The following KAZN variants were observed in gnomAD, a reference collection of about 807,000 sequenced individuals.
The protein encoded by KAZN is kazrin.
KAZN carries 40 observed loss-of-function variants against 87.4 expected under a neutral mutation model. The observed-to-expected ratio is 0.46, with a 90% CI of 0.36 to 0.60. KAZN has a LOEUF of 0.60. Ranked by LOEUF, KAZN falls within the 20% of genes least tolerant of loss-of-function variation. KAZN has a pLI of 0.00. For synonymous variants in KAZN, 466 were observed against 458.3 expected (o/e 1.02, Z -0.22); for missense variants, 898 against 1,073.9 (o/e 0.84, Z 2.29).
intron 2 of KAZN, among the ~76,000 whole-genome samples, chr1:14,320,173 T>C (rs1255581617): frequency 1.3e-5 from 2 of 152,092 alleles, no homozygotes; most frequent in African/African-American, 4.8e-5. Context: ...CACCCATGTG[T>C]CTTAAACATC....
At chr1:14,760,291 G>T (rs1427490366) in intron 1 of KAZN, among the ~76,000 whole-genome samples, 1 of 152,150 alleles carries the variant, frequency 6.6e-6, no homozygotes, top group Non-Finnish European at 1.5e-5. Flanking sequence ...TAGTAGACTG[G>T]TGCTCCTTGC....
intron 1 of KAZN, among the ~76,000 whole-genome samples, chr1:13,986,333 G>A (rs537737596): frequency 6.6e-6 from 1 of 152,082 alleles, no homozygotes; most frequent in Non-Finnish European, 1.5e-5. Flanking sequence ...ATGAGATTGG[G>A]GTAATTAAAA....
At chr1:14,583,283 T>G (rs989282732) in intron 2 of KAZN, among the ~76,000 whole-genome samples, 2 of 152,180 alleles carry the variant, frequency 1.3e-5, no homozygotes, top group Non-Finnish European at 2.9e-5. Flanking sequence ...AGGTGTATGC[T>G]TAGCAGAGGG....
rs770636458 is a variant in KAZN at position 14,599,124 on chromosome 1, G to T, written c.127G>T (p.Gly43Cys). The change falls in exon 1 of 15, where the codon GGC becomes TGC. Residue 43 changes from glycine (G) to cysteine (C), a missense_variant. Coordinates refer to ENST00000376030, the MANE Select transcript of KAZN (RefSeq NM_201628.3). This position sits in a 1 kb window ranked among gnomAD's most constrained non-coding sequence, Gnocchi z 4.4. Reference sequence around the variant, plus strand: ...CCGGAGACTGGCGGAACTGAGCGGCGGCGGCGGCCCCGGCCCGGGCCCGGG... The same window carrying T: ...CCGGAGACTGGCGGAACTGAGCGGCTGCGGCGGCCCCGGCCCGGGCCCGGG... ...TNRRLAELSG[G>C]GGPGPGPGAA... The T allele has an allele frequency of 2.0e-6, 3 of 1,526,592 alleles. No homozygotes were observed. Among genetic ancestry groups the T allele is most frequent in the African/African-American group, 2.9e-5 (2 of 69,704 alleles). 94.6% of individuals were successfully genotyped at this position (1,526,592 alleles called of 1,614,324 possible). A position where few individuals can be genotyped will look rare whatever the true frequency, so the allele number is the denominator to read the frequency against.
chr1:14,152,272 A>G (rs975968742), intron 1 of KAZN, among the ~76,000 whole-genome samples: 3 of 152,122 alleles, frequency 2.0e-5, no homozygotes, highest in Admixed American at 6.6e-5. Flanking sequence ...GGTCTTATTC[A>G]TTCTTTCAAG....
intron 2 of KAZN, among the ~76,000 whole-genome samples, chr1:15,016,629 T>C (rs954494422): frequency 1.3e-5 from 2 of 152,134 alleles, no homozygotes; most frequent in African/African-American, 4.8e-5. Flanking sequence ...TGGCAATGTG[T>C]TACGGAAGCC....
chr1:14,034,296 T>C (rs559736314), intron 1 of KAZN, among the ~76,000 whole-genome samples: 7 of 152,282 alleles, frequency 4.6e-5, no homozygotes, highest in Admixed American at 3.9e-4. Context: ...TGTTTTTTTT[T>C]TCTGTGCCTT....
intron 1 of KAZN, among the ~76,000 whole-genome samples, chr1:14,710,439 G>T (rs887987100): frequency 1.3e-5 from 2 of 152,106 alleles, no homozygotes; most frequent in Admixed American, 6.5e-5. Context: ...GGCACGTGGG[G>T]CCCTAAAGGC....
chr1:14,856,779 T>C lies in KAZN; in HGVS notation c.227-103905T>C, dbSNP rs930545879. Among the ~76,000 whole-genome samples, 1 of 152,188 alleles carries C rather than the reference T, an allele frequency of 6.6e-6. No individual in the cohort carries two copies. The highest frequency in any genetic ancestry group is 1.5e-5 in the Non-Finnish European group (1 of 68,034). On this transcript the variant is annotated intron_variant, in intron 1 of 14. Coordinates refer to ENST00000376030, the MANE Select transcript of KAZN (RefSeq NM_201628.3). The surrounding 1 kb of genome is among the most constrained non-coding windows in gnomAD (Gnocchi z 5.2). The stretch of plus-strand genomic sequence containing the variant: ...TTCTTCCAGGATAAAGATGAGCATA[T>C]GTTTGTTGCCGGGCTGTTGCAGAGA...
chr1:14,010,812 C>T (rs1640261900), intron 1 of KAZN, among the ~76,000 whole-genome samples: 1 of 152,156 alleles, frequency 6.6e-6, no homozygotes, highest in Admixed American at 6.5e-5. Context: ...TGGGGGAAAA[C>T]CCTGTTCCTC....
At chr1:14,793,637 C>A (rs2011956) in intron 1 of KAZN, among the ~76,000 whole-genome samples, 38,979 of 152,116 alleles carry the variant, frequency 0.26, 5,565 homozygotes, top group African/African-American at 0.39. Flanking sequence ...GTATGTGCTC[C>A]ATAAATGTTT....
At chr1:14,654,428 GTCC>G (rs1638658237) in intron 1 of KAZN, among the ~76,000 whole-genome samples, 1 of 152,140 alleles carries the variant, frequency 6.6e-6, no homozygotes, top group African/African-American at 2.4e-5. Flanking sequence ...CCAGAAAGAG[GTCC>G]CTAAATCCCC....
intron 2 of KAZN, among the ~76,000 whole-genome samples, chr1:14,479,762 G>A (rs946926974): frequency 5.3e-5 from 8 of 152,108 alleles, no homozygotes; most frequent in South Asian, 2.1e-4. Flanking sequence ...TTTTCCAAAC[G>A]CCCAGGGAGG....
chr1:14,455,966 C>T (rs1667545192), intron 2 of KAZN, among the ~76,000 whole-genome samples: 1 of 152,208 alleles, frequency 6.6e-6, no homozygotes, highest in Admixed American at 6.5e-5. Context: ...AAGTCAGATG[C>T]TATCTCAACA....
At chr1:14,583,825 CATT>C (rs1675693908) in intron 2 of KAZN, among the ~76,000 whole-genome samples, 1 of 152,136 alleles carries the variant, frequency 6.6e-6, no homozygotes, top group South Asian at 2.1e-4. Flanking sequence ...ACAAGCTAGA[CATT>C]TGTATTCCCC....
intron 2 of KAZN, among the ~76,000 whole-genome samples, chr1:14,257,567 A>G (rs1327769047): frequency 7.1e-6 from 1 of 141,666 alleles, no homozygotes; most frequent in African/African-American, 2.7e-5. Flanking sequence ...CTGAATGGTA[A>G]TGCCTAGGTT....
At position 14,189,851 on chromosome 1, in the gene KAZN, T is replaced by A. The variant is rs1435444016; in HGVS notation, c.249+9259T>A. Among the ~76,000 whole-genome samples, 7 of 152,302 alleles carry A rather than the reference T, an allele frequency of 4.6e-5. 1 individual carries two copies. The South Asian group carries it at 8.3e-4, about 18-fold the overall frequency. Reference sequence around the variant, plus strand: ...CAAATCAGCACAAGGTTTCTTAGGATAACTCTTGGCAATTTTTTATCTATT... The same window carrying A: ...CAAATCAGCACAAGGTTTCTTAGGAAAACTCTTGGCAATTTTTTATCTATT... On this transcript the variant is annotated intron_variant, in intron 2 of 16. Transcript: ENST00000636203.
At chr1:13,898,342 G>A (rs964911336) in intron 1 of KAZN, among the ~76,000 whole-genome samples, 30 of 152,208 alleles carry the variant, frequency 2.0e-4, no homozygotes, top group African/African-American at 6.8e-4. Flanking sequence ...TGGCCTGGCA[G>A]TCTATTGGTT....
intron 1 of KAZN, among the ~76,000 whole-genome samples, chr1:14,958,547 T>C (rs989019760): frequency 6.6e-6 from 1 of 152,278 alleles, no homozygotes; most frequent in Non-Finnish European, 1.5e-5. Context: ...TCACAGCCAA[T>C]GAGGGTTAGA....
Sources: gnomAD v4.1 joint callset for allele counts (sites outside exome capture counted in the v4.1 genomes callset) on GRCh38, gnomAD v4.1.1 for gene constraint, Gnocchi (gnomAD v3.1) non-coding constraint, MANE v1.5 for transcripts, NCBI Gene and HGNC (gene_info 2026-07-23, HGNC 2026-07-21) for gene names.